Variants in SACS observed in about 807,000 individuals in gnomAD.
The protein encoded by SACS is sacsin.
A neutral mutation model predicts 348.0 loss-of-function variants in SACS; 197 were observed. The ratio of observed to expected loss-of-function variants is 0.57; its 90% CI spans 0.50 to 0.64. The LOEUF is 0.64. Among genes scored for constraint, SACS ranks in the 30% least tolerant of loss-of-function variants. SACS has a pLI of 0.00. For synonymous variants in SACS, 1,985 were observed against 1,910.6 expected (o/e 1.04, Z -1.02); for missense variants, 4,999 against 5,360.8 (o/e 0.93, Z 2.11).
intron 2 of SACS, among the ~76,000 whole-genome samples, chr13:23,397,413 A>T (rs891920667): frequency 6.6e-6 from 1 of 152,230 alleles, no homozygotes; most frequent in Non-Finnish European, 1.5e-5. Context: ...TCATGTGGCC[A>T]AAGCTCACTA....
At chr13:23,381,385 A>ACACACACACG (rs1555257432) in intron 2 of SACS, among the ~76,000 whole-genome samples, 1 of 151,644 alleles carries the variant, frequency 6.6e-6, no homozygotes, top group African/African-American at 2.4e-5. Flanking sequence ...ACACACACAC[A>ACACACACACG]CACACACACA....
chr13:23,334,425 C>T lies in SACS; in HGVS notation c.9451G>A (p.Glu3151Lys). Reference sequence around the variant, plus strand: ...AGTGTGATGAGAAGGGGCAATCCCTCAACTTCAATCTCATTTTCTTCTGCA... The same window carrying T: ...AGTGTGATGAGAAGGGGCAATCCCTTAACTTCAATCTCATTTTCTTCTGCA... ...KDAEENEIEV[E>K]GLPLLITLDS... is the part of the protein sequence containing the mutation. The change falls in exon 10 of 10, where the codon GAG (glutamate) becomes AAG (lysine). Residue 3151 changes from glutamate (E) to lysine (K), a missense_variant. Physicochemically the swap from Glu to Lys is moderately conservative, Grantham distance 56. This residue lies in a region of SACS where 734 missense variants were observed against 694.0 expected (regional missense o/e 1.06). Transcript: ENST00000382292. 1.2e-6 allele frequency: 2 copies of T among 1,612,810 alleles called. No individual in the cohort carries two copies. The highest frequency in any genetic ancestry group is 1.7e-6 in the Non-Finnish European group (2 of 1,179,768).
chr13:23,342,023 G>C (rs971372567), intron 9 of SACS, among the ~76,000 whole-genome samples: 1 of 151,802 alleles, frequency 6.6e-6, no homozygotes, highest in Non-Finnish European at 1.5e-5. Flanking sequence ...TCCTGACCTC[G>C]TGACCCACCC....
At chr13:23,380,148 TGA>T (rs1555257299) in intron 2 of SACS, among the ~76,000 whole-genome samples, 40 of 147,742 alleles carry the variant, frequency 2.7e-4, no homozygotes, top group African/African-American at 6.4e-4. Context: ...TGTGTGTGTG[TGA>T]GAGAGAGAGA....
At position 23,338,706 on chromosome 13, in the gene SACS, A is replaced by G; in HGVS notation, c.5170T>C (p.Leu1724=). ...IKKKSCSSKA[L]NTPVLSVLKE... ...AAAACACTTAAGACAGGTGTGTTCA[A>G]TGCTTTGGAAGAGCAGGATTTTTTT... The change falls in exon 10 of 10, where the codon TTG becomes CTG. Residue 1724 remains leucine, a synonymous_variant. Transcript: ENST00000382292. 4 of 1,611,616 alleles carry G rather than the reference A, an allele frequency of 2.5e-6. No homozygotes were observed. Among genetic ancestry groups the G allele is most frequent in the Non-Finnish European group, 3.4e-6 (4 of 1,179,164 alleles).
intron 7 of SACS, among the ~76,000 whole-genome samples, chr13:23,356,321 CCAT>C (rs1339437731): frequency 6.6e-5 from 10 of 152,304 alleles, no homozygotes; most frequent in African/African-American, 2.4e-4. Flanking sequence ...ACCCCCACCA[CCAT>C]GTGAGCCCAA....
chr13:23,343,071 G>A (rs1166104586), intron 9 of SACS, among the ~76,000 whole-genome samples: 1 of 152,148 alleles, frequency 6.6e-6, no homozygotes, highest in African/African-American at 2.4e-5. Context: ...AAGGGAGCAC[G>A]TGGGGCAGTG....
chr13:23,400,147 T>C (rs190171239), intron 2 of SACS, among the ~76,000 whole-genome samples: 7 of 152,286 alleles, frequency 4.6e-5, no homozygotes, highest in Non-Finnish European at 7.4e-5. Context: ...GGATTCTCTA[T>C]AGAATGTGGA....
In SACS at chr13:23,329,993, C is replaced by T; in HGVS notation, c.*143G>A. 1 of 771,540 alleles carries T rather than the reference C, an allele frequency of 1.3e-6. No homozygotes were observed. The highest frequency in any genetic ancestry group is 2.1e-6 in the Non-Finnish European group (1 of 473,606). 47.8% of individuals were successfully genotyped at this position (771,540 alleles called of 1,614,324 possible). On this transcript the variant is annotated 3_prime_UTR_variant, in exon 10 of 10. Transcript: ENST00000382292. ...AAGGTTTTCCGTTGGTATTCATGTT[C>T]ATAACAACTCCAGAATTCTCCAAGA...
intron 2 of SACS, among the ~76,000 whole-genome samples, chr13:23,397,493 T>G (rs1258267107): frequency 6.6e-6 from 1 of 152,202 alleles, no homozygotes; most frequent in Non-Finnish European, 1.5e-5. Context: ...TGACAAAGTT[T>G]TCTTGGATTA....
At chr13:23,406,322 T>A (rs1312367877) in intron 2 of SACS, among the ~76,000 whole-genome samples, 1 of 149,950 alleles carries the variant, frequency 6.7e-6, no homozygotes, top group African/African-American at 2.5e-5. Flanking sequence ...AAGTGGGAGT[T>A]GAACGATGAA....
At position 23,336,669 on chromosome 13, in the gene SACS, C is replaced by T; in HGVS notation, c.7207G>A (p.Val2403Ile). The T allele has an allele frequency of 6.2e-7, 1 of 1,613,816 alleles. No individual in the cohort carries two copies. The highest frequency in any genetic ancestry group is 8.5e-7 in the Non-Finnish European group (1 of 1,179,870). ...CTTTCTTGATCAATAGATTCCAAAA[C>T]AAGAGCAAAATCTTCAACAGTGCAT... ...QSCTVEDFAL[V>I]LESIDQERGT... The change falls in exon 10 of 10, where the codon GTT becomes ATT. Residue 2403 changes from valine to isoleucine, a missense_variant. Physicochemically the swap from Val to Ile is conservative, Grantham distance 29 (BLOSUM62 3). Transcript: ENST00000382292.
In SACS at chr13:23,340,641, T is replaced by C; in HGVS notation, c.3235A>G (p.Thr1079Ala). Reference sequence around the variant, plus strand: ...AAGGAGTGAAGAATATCTGGTGAGGTAAAAACTGAGGGTGGGAAATAGGTT... The same window carrying C: ...AAGGAGTGAAGAATATCTGGTGAGGCAAAAACTGAGGGTGGGAAATAGGTT... ...EGTYFPPSVF[T>A]SPDILHSLRQ... The change falls in exon 10 of 10, where the codon ACC (threonine) becomes GCC (alanine). Residue 1079 changes from threonine to alanine, a missense_variant. Thr to Ala is a moderately conservative substitution (Grantham distance 58). Transcript: ENST00000382292. 6.2e-7 allele frequency: 1 copy of C among 1,604,110 alleles called. No individual in the cohort carries two copies. The highest frequency in any genetic ancestry group is 8.5e-7 in the Non-Finnish European group (1 of 1,177,238).
At chr13:23,352,896 C>T (rs1456424941) in intron 9 of SACS, among the ~76,000 whole-genome samples, 1 of 152,178 alleles carries the variant, frequency 6.6e-6, no homozygotes, top group African/African-American at 2.4e-5. Context: ...CAACTCATTT[C>T]ACTTATATTT....
chr13:23,329,579 T>C lies in SACS; in HGVS notation c.*557A>G. The C allele has an allele frequency of 1.7e-6, 1 of 602,006 alleles. No individual in the cohort carries two copies. The highest frequency in any genetic ancestry group is 2.9e-6 in the Non-Finnish European group (1 of 341,828). The allele number at this position is 602,006 out of a possible 1,614,324, so 37.3% of individuals were successfully genotyped here. The stretch of plus-strand genomic sequence containing the variant: ...TACTACCTTCACACTCTTAGTCAAG[T>C]AATAGGATTAAAATACTCTACCATT... On this transcript the variant is annotated 3_prime_UTR_variant, in exon 10 of 10. Transcript: ENST00000382292.
At chr13:23,420,034 A>ATGTTCATCTGGGACCTGG (rs71100183) in intron 1 of SACS, among the ~76,000 whole-genome samples, 11,907 of 151,872 alleles carry the variant, frequency 0.078, 638 homozygotes, top group East Asian at 0.22. Flanking sequence ...TTGGGTCCTG[A>ATGTTCATCTGGGACCTGG]TGTTCATCTG....
Position 23,334,107 on chromosome 13 carries a change from C to T in SACS, c.9769G>A (p.Val3257Met). ...TTTGTTTCTTCCTGATCTTCTTTCACACTTACAGATTCACTAATAAAATGC... is the reference window on the plus strand; with the variant it reads ...TTTGTTTCTTCCTGATCTTCTTTCATACTTACAGATTCACTAATAAAATGC... ...AWHFISESVS[V>M]KEDQEETKPT... Residue 3257 changes from valine to methionine, a missense_variant, in exon 10 of 10, where the codon GTG becomes ATG. Val to Met is a conservative substitution (Grantham distance 21, BLOSUM62 1). This residue lies in a region of SACS where 734 missense variants were observed against 694.0 expected (regional missense o/e 1.06). Coordinates refer to ENST00000382292, the MANE Select transcript of SACS (RefSeq NM_014363.6). 1 of 1,613,748 alleles carries T rather than the reference C, an allele frequency of 6.2e-7. No homozygotes were observed.
chr13:23,352,139 A>G (rs1207703595), intron 9 of SACS, among the ~76,000 whole-genome samples: 1 of 152,220 alleles, frequency 6.6e-6, no homozygotes, highest in Non-Finnish European at 1.5e-5. Flanking sequence ...TTCTCACCTG[A>G]TTTGGCCCTG....
At chr13:23,353,000 T>A (rs140466371) in intron 9 of SACS, among the ~76,000 whole-genome samples, 22 of 148,804 alleles carry the variant, frequency 1.5e-4, no homozygotes, top group Admixed American at 1.4e-3. Flanking sequence ...CATCACAGAG[T>A]ATGCTTGACA....
Sources: allele counts gnomAD v4.1 joint callset (sites outside exome capture counted in the v4.1 genomes callset), GRCh38; gene constraint gnomAD v4.1.1; regional missense constraint gnomAD v4.1.1; transcripts MANE v1.5; gene names NCBI Gene and HGNC (gene_info 2026-07-23, HGNC 2026-07-21).